Variants in LOC101059915 observed in about 807,000 individuals in gnomAD.
chrX:71,667,861 G>A, the LOC101059915 span: 6 of 1,095,726 alleles, frequency 5.5e-6, no homozygotes, highest in Non-Finnish European at 5.9e-6. Context: ...AGAGGGTGGC[G>A]AGCAGGCCGG....
the LOC101059915 span, chrX:71,669,787 T>G: frequency 1.1e-6 from 1 of 917,536 alleles, no homozygotes; most frequent in African/African-American, 2.1e-5. Flanking sequence ...CTGTCGCTTC[T>G]GGGGGCTTAG....
the LOC101059915 span, chrX:71,667,969 G>A: frequency 8.6e-7 from 1 of 1,164,615 alleles, no homozygotes; most frequent in Non-Finnish European, 1.1e-6. Flanking sequence ...GGGCAAGGGC[G>A]AGAGCGGGTT....
At chrX:71,669,714 C>A in the LOC101059915 span, 30 of 973,186 alleles carry the variant, frequency 3.1e-5, no homozygotes, top group Non-Finnish European at 3.9e-5. Context: ...ATGCATCCTC[C>A]GGTGAGTCTT....
At chrX:71,670,061 A>G in the LOC101059915 span, among the ~76,000 whole-genome samples, 262 of 112,505 alleles carry the variant, frequency 2.3e-3, no homozygotes, top group East Asian at 0.011. Context: ...TGGAGTCACA[A>G]TGCTAGGGGG....
chrX:71,669,119 A>C, the LOC101059915 span: 3 of 1,049,242 alleles, frequency 2.9e-6, no homozygotes, highest in Non-Finnish European at 3.8e-6. Context: ...CCCCCCACCC[A>C]CCTCTCTTCC....
chrX:71,667,624 A>C, the LOC101059915 span: 5 of 358,959 alleles, frequency 1.4e-5, no homozygotes, highest in Non-Finnish European at 2.2e-5. Context: ...GCGGTGTCCC[A>C]AAGGCCTTGC....
At chrX:71,667,629 C>T in the LOC101059915 span, 1 of 370,830 alleles carries the variant, frequency 2.7e-6, no homozygotes, top group Non-Finnish European at 4.2e-6. Flanking sequence ...GTCCCAAAGG[C>T]CTTGCTGTTC....
At chrX:71,670,098 G>T in the LOC101059915 span, among the ~76,000 whole-genome samples, 1 of 112,428 alleles carries the variant, frequency 8.9e-6, no homozygotes, top group Non-Finnish European at 1.9e-5. Flanking sequence ...GCTCACGAGG[G>T]AGAACAGGGA....
At chrX:71,669,298 C>T in the LOC101059915 span, among the ~76,000 whole-genome samples, 3 of 111,796 alleles carry the variant, frequency 2.7e-5, no homozygotes, top group Non-Finnish European at 5.7e-5. Flanking sequence ...GTTGTCCTGC[C>T]TCCTCCCTGA....
the LOC101059915 span, chrX:71,668,448 C>A: frequency 1.7e-6 from 2 of 1,161,519 alleles, no homozygotes; most frequent in South Asian, 3.9e-5. Flanking sequence ...ATGAGAGCAG[C>A]GACTTACCGG....
chrX:71,670,696 G>A, the LOC101059915 span: 1 of 1,113,697 alleles, frequency 9.0e-7, no homozygotes, highest in South Asian at 2.3e-5. Flanking sequence ...ATGGACAGCG[G>A]TGTCGTTCTG....
the LOC101059915 span, chrX:71,669,459 A>G: frequency 5.6e-6 from 4 of 717,482 alleles, no homozygotes; most frequent in Non-Finnish European, 7.3e-6. Context: ...AGAAAGTGTT[A>G]ATAAGATTAG....
the LOC101059915 span, chrX:71,669,840 C>A: frequency 1.5e-6 from 1 of 683,068 alleles, no homozygotes; most frequent in South Asian, 6.1e-5. Flanking sequence ...AGCTGTCCCA[C>A]AGGAAATGGG....
chrX:71,668,301 C>T, the LOC101059915 span: 1 of 1,134,894 alleles, frequency 8.8e-7, no homozygotes, highest in Middle Eastern at 3.4e-4. Flanking sequence ...CTCTCCACCT[C>T]AGTGTTCCTG....
chrX:71,669,495 C>T, the LOC101059915 span: 2 of 907,555 alleles, frequency 2.2e-6, no homozygotes, highest in Non-Finnish European at 2.8e-6. Flanking sequence ...TTAACACAAC[C>T]CCTCCCCATG....
chrX:71,670,373 C>G, the LOC101059915 span: 4 of 1,164,816 alleles, frequency 3.4e-6, no homozygotes, highest in Non-Finnish European at 4.6e-6. Context: ...GAGGTCCACA[C>G]TAGATGGTGG....
At chrX:71,671,131 T>A in the LOC101059915 span, 1 of 1,159,586 alleles carries the variant, frequency 8.6e-7, no homozygotes, top group Admixed American at 2.6e-5. Context: ...CAGGGCTAGG[T>A]TTTTCCCCAC....
At chrX:71,670,805 T>G in the LOC101059915 span, 1 of 1,074,299 alleles carries the variant, frequency 9.3e-7, no homozygotes, top group Middle Eastern at 3.7e-4. Flanking sequence ...CCTGGAGCCT[T>G]CTGTGCCTTT....
chrX:71,668,253 C>A, the LOC101059915 span: 1 of 1,128,016 alleles, frequency 8.9e-7, no homozygotes, highest in African/African-American at 1.8e-5. Flanking sequence ...GTGCGCTGAG[C>A]CCCAGCCCTG....
Sources: gnomAD v4.1 joint callset for allele counts (sites outside exome capture counted in the v4.1 genomes callset) on GRCh38, gnomAD v4.1.1 for gene constraint, MANE v1.5 for transcripts.